Variants in KAZN observed in about 807,000 individuals in gnomAD.
KAZN encodes the protein kazrin, periplakin interacting protein, also known as kazrin.
Under a neutral mutation model 87.4 loss-of-function variants are expected in KAZN, and 40 were observed. The ratio of observed to expected loss-of-function variants is 0.46; its 90% confidence interval spans 0.36 to 0.60. KAZN has a LOEUF of 0.60. Ranked by LOEUF, KAZN falls within the 20% of genes least tolerant of loss-of-function variation. KAZN has a pLI of 0.00. For synonymous variants in KAZN, 466 were observed against 458.3 expected (o/e 1.02, Z -0.22); for missense variants, 898 against 1,073.9 (o/e 0.84, Z 2.29).
At chr1:14,741,415 GT>G (rs1644095340) in intron 1 of KAZN, among the ~76,000 whole-genome samples, 1 of 152,148 alleles carries the variant, frequency 6.6e-6, no homozygotes, top group Admixed American at 6.5e-5. Flanking sequence ...GAGACCTACA[GT>G]TTTTTTCTTG....
chr1:13,990,107 A>G (rs1481884655), intron 1 of KAZN, among the ~76,000 whole-genome samples: 2 of 152,228 alleles, frequency 1.3e-5, no homozygotes, highest in Non-Finnish European at 2.9e-5. Context: ...CTTTAGAAAG[A>G]TCCCTGGAAG....
intron 1 of KAZN, among the ~76,000 whole-genome samples, chr1:14,058,595 A>G (rs991709912): frequency 5.3e-5 from 8 of 152,150 alleles, no homozygotes; most frequent in African/African-American, 9.7e-5. Context: ...TGATATGACA[A>G]TCTGGTGGAT....
chr1:14,924,232 C>A (rs1455028997), intron 1 of KAZN: 1 of 981,192 alleles, frequency 1.0e-6, no homozygotes, highest in African/African-American at 1.8e-5. Context: ...CGGCGCGCGC[C>A]GCCGGCCGGG....
intron 4 of KAZN, among the ~76,000 whole-genome samples, chr1:15,050,254 G>A (rs1486858075): frequency 6.6e-6 from 1 of 152,094 alleles, no homozygotes; most frequent in Non-Finnish European, 1.5e-5. Flanking sequence ...GCAGGGAAGT[G>A]AGGCAGTGGG....
intron 1 of KAZN, among the ~76,000 whole-genome samples, chr1:14,943,419 G>T (rs1451532484): frequency 6.6e-6 from 1 of 152,140 alleles, no homozygotes; most frequent in Non-Finnish European, 1.5e-5. Flanking sequence ...TCTACCTGAG[G>T]ATTTACATCA....
chr1:14,189,774 T>C (rs1169190543), intron 2 of KAZN, among the ~76,000 whole-genome samples: 2 of 152,120 alleles, frequency 1.3e-5, no homozygotes, highest in African/African-American at 4.8e-5. Context: ...GTGTGAGAAG[T>C]TATCACCAAG....
At position 14,866,410 on chromosome 1, in the gene KAZN, G is replaced by A. The variant is rs1056705273; in HGVS notation, c.227-94274G>A. 9.9e-5 allele frequency among the ~76,000 whole-genome samples: 15 copies of A among 152,258 alleles called. No homozygotes were observed. In the East Asian group the frequency reaches 1.2e-3, roughly 12 times the overall value. On this transcript the variant is annotated intron_variant, in intron 1 of 14. Transcript: ENST00000376030. ...ATCTTGTCATCCTTCTGTCCCTGGA[G>A]CCTGGCATGCAGTTAACATACAAGA...
chr1:14,338,764 C>A (rs531217303), intron 2 of KAZN, among the ~76,000 whole-genome samples: 3 of 152,132 alleles, frequency 2.0e-5, no homozygotes, highest in Non-Finnish European at 4.4e-5. Flanking sequence ...AGCAAATTAG[C>A]CAATCAGGGA....
At chr1:14,892,094 A>G (rs1654780157) in intron 1 of KAZN, among the ~76,000 whole-genome samples, 2 of 152,094 alleles carry the variant, frequency 1.3e-5, no homozygotes, top group South Asian at 4.2e-4. Flanking sequence ...TGCCTCCTCA[A>G]GGCAGCAGGC....
At chr1:13,994,145 A>T (rs1004564469) in intron 1 of KAZN, among the ~76,000 whole-genome samples, 2 of 152,184 alleles carry the variant, frequency 1.3e-5, no homozygotes, top group Non-Finnish European at 2.9e-5. Context: ...TTGGTTCCAG[A>T]ATATTATAAA....
intron 1 of KAZN, among the ~76,000 whole-genome samples, chr1:14,039,292 T>G (rs1641699894): frequency 6.6e-6 from 1 of 152,146 alleles, no homozygotes; most frequent in Non-Finnish European, 1.5e-5. Context: ...AGACTTCCAC[T>G]CTCTACGTCT....
intron 2 of KAZN, among the ~76,000 whole-genome samples, chr1:14,576,098 C>T (rs528437326): frequency 6.6e-6 from 1 of 152,236 alleles, no homozygotes; most frequent in Admixed American, 6.5e-5. Context: ...AATGTGAGTC[C>T]CTGTTCTTCT....
chr1:14,754,275 T>C (rs1644496407), intron 1 of KAZN, among the ~76,000 whole-genome samples: 1 of 152,216 alleles, frequency 6.6e-6, no homozygotes, highest in Non-Finnish European at 1.5e-5. Flanking sequence ...GGAGGGATTT[T>C]GTTGCACATA....
chr1:14,402,173 A>G (rs1044941311), intron 2 of KAZN, among the ~76,000 whole-genome samples: 1 of 151,994 alleles, frequency 6.6e-6, no homozygotes, highest in Non-Finnish European at 1.5e-5. Flanking sequence ...AAAAATTTTA[A>G]ACACAAAATT....
intron 1 of KAZN, among the ~76,000 whole-genome samples, chr1:14,912,611 G>A (rs1030090046): frequency 4.6e-5 from 7 of 152,130 alleles, no homozygotes; most frequent in Admixed American, 1.3e-4. Context: ...CAACTCCGGG[G>A]CTCAAGCAAT....
At position 14,100,656 on chromosome 1, in the gene KAZN, C is replaced by T. The variant is rs549839435; in HGVS notation, c.92-79779C>T. Among the ~76,000 whole-genome samples the T allele has an allele frequency of 9.2e-5, 14 of 152,302 alleles. No individual in the cohort carries two copies. In the East Asian group the frequency reaches 2.7e-3, roughly 29 times the overall value. ...CTTTGTTGGGGGCTGGTCACATAGGCAACCTCTTGCCTGGTACATACACAA... is the reference window on the plus strand; with the variant it reads ...CTTTGTTGGGGGCTGGTCACATAGGTAACCTCTTGCCTGGTACATACACAA... On this transcript the variant is annotated intron_variant, in intron 1 of 16. Transcript: ENST00000636203.
intron 1 of KAZN, among the ~76,000 whole-genome samples, chr1:14,918,727 T>A (rs1442326887): frequency 3.4e-5 from 1 of 29,424 alleles, no homozygotes; most frequent in Non-Finnish European, 7.4e-5. Context: ...TATATATATA[T>A]ATATATATAT....
At chr1:14,385,717 A>G (rs927419494) in intron 2 of KAZN, among the ~76,000 whole-genome samples, 19 of 151,080 alleles carry the variant, frequency 1.3e-4, no homozygotes, top group African/African-American at 4.6e-4. Context: ...TTTGCTGAGG[A>G]GAGCTTTACT....
chr1:14,647,857 C>T (rs760808706), intron 1 of KAZN, among the ~76,000 whole-genome samples: 8 of 152,120 alleles, frequency 5.3e-5, no homozygotes, highest in Non-Finnish European at 1.0e-4. Flanking sequence ...TCTGCAGGAA[C>T]GAGATGGTTG....
Sources: gnomAD v4.1 joint callset for allele counts (sites outside exome capture counted in the v4.1 genomes callset) on GRCh38, gnomAD v4.1.1 for gene constraint, MANE v1.5 for transcripts, NCBI Gene and HGNC (gene_info 2026-07-23, HGNC 2026-07-21) for gene names.